Variants in GNAO1 observed in about 807,000 individuals in gnomAD.
The protein encoded by GNAO1 is G protein subunit alpha o1.
For synonymous variants in GNAO1, 164 were observed against 180.7 expected, an observed-to-expected ratio of 0.91 and a Z score of 0.74; for missense variants, 166 against 478.7, an observed-to-expected ratio of 0.35 and a Z score of 6.10.
intron 4 of GNAO1, among the ~76,000 whole-genome samples, chr16:56,334,513 C>T (rs1190652443): frequency 6.6e-6 from 1 of 152,138 alleles, no homozygotes; most frequent in East Asian, 1.9e-4. Flanking sequence ...CATGCGTAGC[C>T]CTTTTGGCTG....
chr16:56,325,497 A>G (rs1411907825), intron 3 of GNAO1, among the ~76,000 whole-genome samples: 1 of 152,178 alleles, frequency 6.6e-6, no homozygotes, highest in Admixed American at 6.5e-5. Context: ...TAATAATAAT[A>G]ATGCACACAT....
At chr16:56,341,708 C>T (rs76287898) in intron 6 of GNAO1, among the ~76,000 whole-genome samples, 11,685 of 152,204 alleles carry the variant, frequency 0.077, 608 homozygotes, top group African/African-American at 0.14. Context: ...ATGGGGTGGG[C>T]GGGCAGCCAG....
chr16:56,338,014 C>G (rs1220698033), intron 6 of GNAO1, among the ~76,000 whole-genome samples: 1 of 152,196 alleles, frequency 6.6e-6, no homozygotes, highest in Non-Finnish European at 1.5e-5. Flanking sequence ...CATGCTGGGC[C>G]TTGAGCGAGG....
intron 2 of GNAO1, among the ~76,000 whole-genome samples, chr16:56,214,068 A>G (rs1322257751): frequency 2.0e-5 from 3 of 152,178 alleles, no homozygotes; most frequent in Non-Finnish European, 2.9e-5. Flanking sequence ...GATCCCTTCC[A>G]TGAATGAAGG....
chr16:56,318,123 C>G (rs2037531290), intron 3 of GNAO1, among the ~76,000 whole-genome samples: 1 of 152,162 alleles, frequency 6.6e-6, no homozygotes. Flanking sequence ...AGCCCAAGGC[C>G]AGGAAAGCAG....
At chr16:56,320,615 G>A (rs2037561188) in intron 3 of GNAO1, among the ~76,000 whole-genome samples, 1 of 152,244 alleles carries the variant, frequency 6.6e-6, no homozygotes, top group Non-Finnish European at 1.5e-5. Flanking sequence ...GCTCCTCGAA[G>A]GGTGTGGGGT....
chr16:56,279,368 C>T (rs2037093620), intron 3 of GNAO1, among the ~76,000 whole-genome samples: 1 of 152,176 alleles, frequency 6.6e-6, no homozygotes, highest in Non-Finnish European at 1.5e-5. Context: ...CCTGAAAGAG[C>T]CTCCGTGCAG....
intron 6 of GNAO1, among the ~76,000 whole-genome samples, chr16:56,348,805 C>A (rs952614036): frequency 2.0e-5 from 3 of 152,120 alleles, no homozygotes; most frequent in Admixed American, 1.3e-4. Flanking sequence ...CTGCCCTCCC[C>A]GAGTCTCCAG....
At chr16:56,341,349 G>T (rs1391776256) in intron 6 of GNAO1, among the ~76,000 whole-genome samples, 1 of 152,208 alleles carries the variant, frequency 6.6e-6, no homozygotes, top group African/African-American at 2.4e-5. Flanking sequence ...CAAGGTTTAT[G>T]CCCCAGCTCC....
chr16:56,295,135 C>T (rs2037272913), intron 3 of GNAO1, among the ~76,000 whole-genome samples: 2 of 152,272 alleles, frequency 1.3e-5, no homozygotes, highest in Admixed American at 6.5e-5. Context: ...CCAGCTTCCA[C>T]GTCTAGTCCA....
intron 6 of GNAO1, chr16:56,347,356 A>C (rs2143692126): frequency 8.1e-6 from 8 of 985,540 alleles, no homozygotes; most frequent in Non-Finnish European, 9.6e-6. Flanking sequence ...TCAGGCCGCA[A>C]GCCTAGAGCG....
chr16:56,224,866 A>G (rs770510286), intron 2 of GNAO1, among the ~76,000 whole-genome samples: 23 of 152,214 alleles, frequency 1.5e-4, no homozygotes, highest in Admixed American at 4.6e-4. Flanking sequence ...CCATCTGGAC[A>G]CTTATAAGGT....
chr16:56,319,049 C>T (rs2037544085), intron 3 of GNAO1, among the ~76,000 whole-genome samples: 1 of 152,194 alleles, frequency 6.6e-6, no homozygotes. Context: ...TCCTTGGCAC[C>T]TCATCCCTTG....
intron 2 of GNAO1, among the ~76,000 whole-genome samples, chr16:56,265,539 A>G (rs1041220958): frequency 6.6e-5 from 10 of 152,240 alleles, no homozygotes; most frequent in African/African-American, 2.4e-4. Flanking sequence ...CTCCCAGGTA[A>G]AAGGACTGAA....
intron 3 of GNAO1, 183 bp downstream of exon 3, chr16:56,276,255 C>A: frequency 8.3e-6 from 4 of 481,230 alleles, no homozygotes; most frequent in South Asian, 4.2e-5. Flanking sequence ...AAACTCCCAG[C>A]AAACTCACCA....
Position 56,232,191 on chromosome 16 carries a change from T to TA in GNAO1, c.161+39583dup, listed in dbSNP as rs751706800. Among the ~76,000 whole-genome samples, 16 of 152,116 alleles carry TA rather than the reference T, an allele frequency of 1.1e-4. No homozygotes were observed. The East Asian group carries it at 1.9e-3, about 18-fold the overall frequency. On this transcript the variant is annotated intron_variant, in intron 2 of 8. Coordinates refer to ENST00000262493, the MANE Select transcript of GNAO1 (RefSeq NM_020988.3). ...CCTCCTGCAGCCTCTCCTACAAAAA[T>TA]AAAAAAAATTCCACAAAAGCTTAGC...
intron 2 of GNAO1, among the ~76,000 whole-genome samples, chr16:56,210,196 T>G (rs2143329098): frequency 6.6e-6 from 1 of 152,342 alleles, no homozygotes; most frequent in South Asian, 2.1e-4. Context: ...GCTTTTTCTC[T>G]TAGTAATATA....
At chr16:56,295,411 A>G (rs1453534409) in intron 3 of GNAO1, among the ~76,000 whole-genome samples, 1 of 152,108 alleles carries the variant, frequency 6.6e-6, no homozygotes, top group Admixed American at 6.5e-5. Context: ...AGATTAAATG[A>G]GATGATGATC....
At chr16:56,336,981 GT>G (rs1398883977) in intron 6 of GNAO1, 121 bp downstream of exon 6, 4 of 950,550 alleles carry the variant, frequency 4.2e-6, no homozygotes, top group Non-Finnish European at 4.6e-6. Context: ...GCCAGCTGTT[GT>G]GGTTAGAGGT....
Sources: gnomAD v4.1 joint callset for allele counts (sites outside exome capture counted in the v4.1 genomes callset) on GRCh38, gnomAD v4.1.1 for gene constraint, MANE v1.5 for transcripts, NCBI Gene and HGNC (gene_info 2026-07-23, HGNC 2026-07-21) for gene names.